Variants in HERC5 observed in about 807,000 individuals in gnomAD.
HERC5 encodes the protein HECT and RLD domain containing E3 ubiquitin protein ligase 5.
In HERC5, 99 loss-of-function variants were observed where a neutral mutation model predicts 119.6. The ratio of observed to expected loss-of-function variants is 0.83; its 90% CI spans 0.70 to 0.98. The LOEUF is 0.98. HERC5 is among the 50% of genes least tolerant of loss of function. The probability of loss-of-function intolerance (pLI) is 0.00; values close to 1 mark genes in which losing one functional copy is unlikely to be tolerated. For missense variants in HERC5, 1,267 were observed against 1,241.3 expected, an observed-to-expected ratio of 1.02 and a Z score of -0.31; for synonymous variants, 478 against 445.9, an observed-to-expected ratio of 1.07 and a Z score of -0.91.
At chr4:88,488,446 G>A (rs1345834456) in intron 15 of HERC5, among the ~76,000 whole-genome samples, 3 of 151,960 alleles carry the variant, frequency 2.0e-5, no homozygotes, top group Non-Finnish European at 4.4e-5. Context: ...TGGCCAGGCT[G>A]GTCTCAAACT....
In HERC5 at chr4:88,457,548, G is replaced by C. The variant is rs1436826090; in HGVS notation, c.265+14G>C. 7.9e-7 allele frequency: 1 copy of C among 1,263,148 alleles called. No homozygotes were observed. The highest frequency in any genetic ancestry group is 1.0e-6 in the Non-Finnish European group (1 of 1,003,924). 78.2% of individuals were successfully genotyped at this position (1,263,148 alleles called of 1,614,324 possible). ...CCCGGACGCCGAGTGAGTGGGGCTGGTGTGTGAGGGCTGTGAGGGCTGTGA... is the reference window on the plus strand; with the variant it reads ...CCCGGACGCCGAGTGAGTGGGGCTGCTGTGTGAGGGCTGTGAGGGCTGTGA... On this transcript the variant is annotated intron_variant, in intron 1 of 22. Coordinates refer to ENST00000264350, the MANE Select transcript of HERC5 (RefSeq NM_016323.4).
intron 2 of HERC5, 134 bp from the exon 3 acceptor site, chr4:88,459,961 G>A (rs933254945): frequency 5.6e-6 from 3 of 535,222 alleles, no homozygotes; most frequent in Non-Finnish European, 6.7e-6. Flanking sequence ...AATTTTAGAT[G>A]TACTGAATGT....
Position 88,479,381 on chromosome 4 carries a change from C to T in HERC5, c.1611C>T (p.Ser537=), listed in dbSNP as rs1484548606. The part of the protein sequence containing the change: ...LEEYWATLQE[S]TFSKLVQMFK... Reference sequence around the variant, plus strand: ...AGTATTGGGCAACTCTGCAAGAATCCACTTTCAGCAAACTGGTCCAGATGT... The same window carrying T: ...AGTATTGGGCAACTCTGCAAGAATCTACTTTCAGCAAACTGGTCCAGATGT... The change falls in exon 13 of 23, where the codon TCC becomes TCT. Residue 537 remains serine, a synonymous_variant. Transcript: ENST00000264350. The T allele has an allele frequency of 2.5e-6, 4 of 1,607,526 alleles. No individual in the cohort carries two copies. The highest frequency in any genetic ancestry group is 1.7e-4 in the Middle Eastern group (1 of 6,044).
chr4:88,463,783 C>T (rs1457838547), intron 5 of HERC5, 72 bp from the exon 6 acceptor site: 2 of 1,535,494 alleles, frequency 1.3e-6, no homozygotes, highest in Non-Finnish European at 9.0e-7. Context: ...ATTAGTGATT[C>T]ACTTTGCATC....
Position 88,468,339 on chromosome 4 carries a change from C to T in HERC5, c.1058-7C>T, listed in dbSNP as rs1370417071. The T allele has an allele frequency of 6.3e-7, 1 of 1,598,628 alleles. No individual in the cohort carries two copies. The highest frequency in any genetic ancestry group is 1.7e-5 in the Admixed American group (1 of 58,404). On this transcript the variant is annotated splice_polypyrimidine_tract_variant and splice_region_variant and intron_variant, in intron 7 of 22. Coordinates refer to ENST00000264350, the MANE Select transcript of HERC5 (RefSeq NM_016323.4). ...CTAAAACTCTTACTCTTTGTGCATC[C>T]TTTCAGAAAGCCATACCTCAGAAAA... is the stretch of plus-strand genomic sequence containing the variant.
intron 20 of HERC5, among the ~76,000 whole-genome samples, chr4:88,501,614 T>G (rs1741950256): frequency 6.6e-6 from 1 of 151,984 alleles, no homozygotes; most frequent in African/African-American, 2.4e-5. Context: ...TTCTTAATCT[T>G]TTTTTTTAAA....
intron 13 of HERC5, among the ~76,000 whole-genome samples, chr4:88,485,767 ATAT>A (rs1255502269): frequency 6.6e-6 from 1 of 152,074 alleles, no homozygotes; most frequent in African/African-American, 2.4e-5. Flanking sequence ...TATAAGTGGT[ATAT>A]TATTAAGTCC....
chr4:88,463,807 T>A (rs1174759662), intron 5 of HERC5, 48 bp from the exon 6 acceptor site: 3 of 1,603,932 alleles, frequency 1.9e-6, no homozygotes, highest in South Asian at 2.2e-5. Flanking sequence ...GAATACTACT[T>A]TTTTATTTTA....
intron 6 of HERC5, 89 bp from the exon 7 acceptor site, chr4:88,466,970 T>G: frequency 7.9e-7 from 1 of 1,268,962 alleles, no homozygotes; most frequent in Non-Finnish European, 1.1e-6. Flanking sequence ...TCTCACTGGG[T>G]AACATAGTTT....
intron 12 of HERC5, among the ~76,000 whole-genome samples, chr4:88,478,756 A>G (rs558700370): frequency 2.0e-5 from 3 of 151,794 alleles, no homozygotes; most frequent in Non-Finnish European, 4.4e-5. Context: ...GGCCACAGAC[A>G]TGTGCCACCA....
intron 10 of HERC5, among the ~76,000 whole-genome samples, chr4:88,471,714 T>C (rs1231003755): frequency 2.6e-5 from 4 of 152,214 alleles, no homozygotes; most frequent in Non-Finnish European, 5.9e-5. Context: ...ATTTCATTAA[T>C]AACTTTATAT....
rs998877663 is a variant in HERC5 at position 88,457,306 on chromosome 4, G to A, written c.37G>A (p.Gly13Arg). Residue 13 changes from glycine (G) to arginine (R), a missense_variant, in exon 1 of 23, where the codon GGG (glycine) becomes AGG (arginine). This residue lies in a region of HERC5 where 777 missense variants were observed against 758.0 expected (regional missense o/e 1.03). Coordinates refer to ENST00000264350, the MANE Select transcript of HERC5 (RefSeq NM_016323.4). ...GTCGCGGAGGAAGTCGCGGCGCAAC[G>A]GGCGCTCGACCGCGGGCAAGGCCGC... Reference protein sequence around the residue: ...RRSRRKSRRNGRSTAGKAAAT... With the variant: ...RRSRRKSRRNRRSTAGKAAAT... 3 of 1,370,760 alleles carry A rather than the reference G, an allele frequency of 2.2e-6. No homozygotes were observed. The highest frequency in any genetic ancestry group is 1.5e-5 in the African/African-American group (1 of 65,626). The allele number at this position is 1,370,760 out of a possible 1,614,324, so 84.9% of individuals were successfully genotyped here.
At chr4:88,482,974 G>A (rs1741330023) in intron 13 of HERC5, among the ~76,000 whole-genome samples, 1 of 151,914 alleles carries the variant, frequency 6.6e-6, no homozygotes, top group Admixed American at 6.6e-5. Context: ...AAATTCTCAT[G>A]TTATATCTAG....
intron 10 of HERC5, among the ~76,000 whole-genome samples, chr4:88,470,946 A>G (rs965155669): frequency 1.3e-5 from 2 of 152,058 alleles, no homozygotes; most frequent in African/African-American, 4.8e-5. Flanking sequence ...TTTAAAAAAA[A>G]TGAGATCATA....
At chr4:88,487,238 A>C in intron 15 of HERC5, 59 bp downstream of exon 15, 3 of 959,300 alleles carry the variant, frequency 3.1e-6, no homozygotes, top group Non-Finnish European at 4.9e-6. Context: ...CTTCTTAATC[A>C]TGCAGTATTT....
At chr4:88,458,402 T>C (rs1458128332) in intron 1 of HERC5, among the ~76,000 whole-genome samples, 1 of 152,110 alleles carries the variant, frequency 6.6e-6, no homozygotes, top group Non-Finnish European at 1.5e-5. Flanking sequence ...TTAAGGTTTT[T>C]TTTTTTAAGT....
intron 1 of HERC5, chr4:88,457,800 T>G (rs1740229602): frequency 4.1e-6 from 3 of 732,006 alleles, no homozygotes; most frequent in African/African-American, 1.8e-5. Context: ...GGGCACCGTC[T>G]TCATCCTTTT....
chr4:88,472,365 G>T, intron 10 of HERC5, 44 bp from the exon 11 acceptor site: 1 of 1,124,146 alleles, frequency 8.9e-7, no homozygotes. Flanking sequence ...TTTGCATCTA[G>T]GGAGATAATC....
intron 6 of HERC5, among the ~76,000 whole-genome samples, chr4:88,465,418 G>A (rs142318892): frequency 1.3e-5 from 2 of 152,164 alleles, no homozygotes; most frequent in Non-Finnish European, 2.9e-5. Flanking sequence ...TAAAAAACTA[G>A]CATGAATACT....
Sources: gnomAD v4.1 joint callset for allele counts (sites outside exome capture counted in the v4.1 genomes callset) on GRCh38, gnomAD v4.1.1 for gene constraint, gnomAD v4.1.1 regional missense constraint, MANE v1.5 for transcripts, NCBI Gene and HGNC (gene_info 2026-07-23, HGNC 2026-07-21) for gene names.